The following UGT2B4 variants were observed in gnomAD, a reference collection of about 807,000 sequenced individuals.
The protein encoded by UGT2B4 is UDP glucuronosyltransferase family 2 member B4, also known as UDP-glucuronosyltransferase 2B4.
In UGT2B4, 49 loss-of-function variants were observed where a neutral mutation model predicts 49.8. That is an observed-to-expected ratio of 0.98 (90% CI 0.78 to 1.25). The LOEUF (loss-of-function observed/expected upper bound fraction) is 1.25. UGT2B4 is among the 50% of genes most tolerant of loss of function. The pLI, the probability that UGT2B4 is intolerant of heterozygous loss-of-function variation, is 0.00. For missense variants in UGT2B4, 729 were observed against 627.7 expected, an observed-to-expected ratio of 1.16 and a Z score of -1.73; for synonymous variants, 246 against 217.7, an observed-to-expected ratio of 1.13 and a Z score of -1.14.
intron 1 of UGT2B4, among the ~76,000 whole-genome samples, chr4:69,514,020 T>A (rs1728671750): frequency 6.6e-6 from 1 of 151,686 alleles, no homozygotes; most frequent in African/African-American, 2.4e-5. Flanking sequence ...TTTTTTTTTA[T>A]TACTATCCCT....
intron 1 of UGT2B4, among the ~76,000 whole-genome samples, chr4:69,521,659 A>G (rs1728852973): frequency 6.6e-6 from 1 of 152,204 alleles, no homozygotes; most frequent in African/African-American, 2.4e-5. Flanking sequence ...AGCCAAGCGC[A>G]GCCTGCTGGG....
intron 1 of UGT2B4, among the ~76,000 whole-genome samples, chr4:69,512,295 C>A (rs1329343628): frequency 6.6e-6 from 1 of 151,910 alleles, no homozygotes; most frequent in Non-Finnish European, 1.5e-5. Flanking sequence ...AAACTTCCCT[C>A]TTAGGGGTGT....
intron 1 of UGT2B4, among the ~76,000 whole-genome samples, chr4:69,521,596 T>G (rs1728850942): frequency 1.3e-5 from 2 of 152,174 alleles, no homozygotes; most frequent in Admixed American, 6.5e-5. Flanking sequence ...CATGCCTCAG[T>G]ACTTCATGCC....
In UGT2B4 at chr4:69,486,790, G is replaced by A. The variant is rs537119021; in HGVS notation, c.1003-94C>T. 4.9e-5 allele frequency: 45 copies of A among 925,000 alleles called. No individual in the cohort carries two copies. The South Asian group carries it at 6.9e-4, about 14-fold the overall frequency. 57.3% of individuals were successfully genotyped at this position (925,000 alleles called of 1,614,324 possible). On this transcript the variant is annotated intron_variant, in intron 3 of 5. Coordinates refer to ENST00000305107, the MANE Select transcript of UGT2B4 (RefSeq NM_021139.3). ...AAGAGATTAACAATGAGAAGAACAA[G>A]GGATGTTAAGTAACAAGAACTACTC...
chr4:69,519,264 G>A (rs747954828), intron 1 of UGT2B4, among the ~76,000 whole-genome samples: 1 of 152,098 alleles, frequency 6.6e-6, no homozygotes, highest in Admixed American at 6.6e-5. Context: ...GCATATAAAA[G>A]CAAAACTTTA....
chr4:69,500,351 A>G (rs999745830), upstream of UGT2B4, among the ~76,000 whole-genome samples: 1 of 152,070 alleles, frequency 6.6e-6, no homozygotes, highest in African/African-American at 2.4e-5. Flanking sequence ...ATATTTACCT[A>G]TGTAACAAAC....
chr4:69,525,581 G>T, intron 1 of UGT2B4: 1 of 528,124 alleles, frequency 1.9e-6, no homozygotes, highest in Non-Finnish European at 2.5e-6. Flanking sequence ...TGGGCAACGT[G>T]ATATAGTTTC....
At chr4:69,484,069 C>G (rs1727693766) in intron 5 of UGT2B4, among the ~76,000 whole-genome samples, 1 of 151,968 alleles carries the variant, frequency 6.6e-6, no homozygotes, top group East Asian at 1.9e-4. Context: ...ACATCTCTGG[C>G]CATAATCAAA....
chr4:69,497,234 C>A, upstream of UGT2B4, among the ~76,000 whole-genome samples: 1 of 152,150 alleles, frequency 6.6e-6, no homozygotes, highest in East Asian at 1.9e-4. Flanking sequence ...CTCAAGGACC[C>A]CACAAGGAGC....
upstream of UGT2B4, among the ~76,000 whole-genome samples, chr4:69,500,175 T>G (rs2859524): frequency 0.14 from 21,609 of 152,182 alleles, 1,850 homozygotes; most frequent in Non-Finnish European, 0.19. Flanking sequence ...TGTTTTCACT[T>G]ATAAGTCAGA....
At chr4:69,498,929 GCT>G, upstream of UGT2B4, among the ~76,000 whole-genome samples, 1 of 151,950 alleles carries the variant, frequency 6.6e-6, no homozygotes, top group Admixed American at 6.6e-5. Context: ...TTTGCACTTG[GCT>G]CTCTAGTTCT....
intron 1 of UGT2B4, among the ~76,000 whole-genome samples, chr4:69,504,477 G>A (rs958078832): frequency 2.6e-5 from 4 of 152,028 alleles, no homozygotes; most frequent in Non-Finnish European, 5.9e-5. Flanking sequence ...CAGCAGAATA[G>A]ACCAAGCAAA....
At chr4:69,500,606 G>GAAGAAAGCAAGCAAGC, upstream of UGT2B4, among the ~76,000 whole-genome samples, 1 of 99,600 alleles carries the variant, frequency 1.0e-5, no homozygotes, top group East Asian at 2.7e-4. Flanking sequence ...AGAAAGCAAG[G>GAAGAAAGCAAGCAAGC]AAGAAAGAAA....
chr4:69,500,670 G>GAAAGAAAGAAAGAAAGAAAGAAAGA (rs1560438465), upstream of UGT2B4, among the ~76,000 whole-genome samples: 7 of 62,810 alleles, frequency 1.1e-4, no homozygotes, highest in Non-Finnish European at 2.0e-4. Flanking sequence ...AGAAAGAAAG[G>GAAAGAAAGAAAGAAAGAAAGAAAGA]AAGGAAAGAA....
In UGT2B4 at chr4:69,489,687, G is replaced by A. The variant is rs1727922815; in HGVS notation, c.871-117C>T. The A allele has an allele frequency of 2.1e-6, 3 of 1,427,354 alleles. No individual in the cohort carries two copies. In the South Asian group the frequency reaches 4.0e-5, roughly 19 times the overall value. 88.4% of individuals were successfully genotyped at this position (1,427,354 alleles called of 1,614,324 possible). ...TTTATCAGGAATTATTGGAGTAAAGGATGTTTTTTAACTGACTCAATTACT... is the reference window on the plus strand; with the variant it reads ...TTTATCAGGAATTATTGGAGTAAAGAATGTTTTTTAACTGACTCAATTACT... On this transcript the variant is annotated intron_variant, in intron 2 of 5. Coordinates refer to ENST00000305107, the MANE Select transcript of UGT2B4 (RefSeq NM_021139.3).
Position 69,493,609 on chromosome 4 carries a change from C to G in UGT2B4, c.870+84G>C, listed in dbSNP as rs902770746. On this transcript the variant is annotated intron_variant, in intron 2 of 5. Coordinates refer to ENST00000305107, the MANE Select transcript of UGT2B4 (RefSeq NM_021139.3). Reference sequence around the variant, plus strand: ...ACTCTTCCCACTTCCACCTTTCTTCCAGTGTAAGTCAAACACTTTGAATGA... The same window carrying G: ...ACTCTTCCCACTTCCACCTTTCTTCGAGTGTAAGTCAAACACTTTGAATGA... 5 of 1,449,096 alleles carry G rather than the reference C, an allele frequency of 3.5e-6. No individual in the cohort carries two copies. The Admixed American group carries it at 1.1e-4, about 31-fold the overall frequency. The allele number at this position is 1,449,096 out of a possible 1,614,324, so 89.8% of individuals were successfully genotyped here. A position where few individuals can be genotyped will look rare whatever the true frequency, so the allele number is the denominator to read the frequency against.
chr4:69,493,373 T>C (rs755800437), intron 2 of UGT2B4, among the ~76,000 whole-genome samples: 1 of 152,164 alleles, frequency 6.6e-6, no homozygotes, highest in Non-Finnish European at 1.5e-5. Context: ...CTGTGTCCCA[T>C]ACACGTACCT....
chr4:69,502,408 G>A (rs1728365526), intron 1 of UGT2B4, among the ~76,000 whole-genome samples: 1 of 151,574 alleles, frequency 6.6e-6, no homozygotes, highest in Non-Finnish European at 1.5e-5. Context: ...GTGTGTTTGG[G>A]CCAGCAACAG....
chr4:69,500,606 G>GCAAGAAAGC (rs1553896493), upstream of UGT2B4, among the ~76,000 whole-genome samples: 8,746 of 99,498 alleles, frequency 0.088, 530 homozygotes, highest in East Asian at 0.13. Context: ...AGAAAGCAAG[G>GCAAGAAAGC]AAGAAAGAAA....
Sources: allele counts gnomAD v4.1 joint callset (sites outside exome capture counted in the v4.1 genomes callset), GRCh38; gene constraint gnomAD v4.1.1; transcripts MANE v1.5; gene names NCBI Gene and HGNC (gene_info 2026-07-23, HGNC 2026-07-21).